The following TRAM1 variants were observed in gnomAD, a reference collection of about 807,000 sequenced individuals.
The protein encoded by TRAM1 is translocation associated membrane protein 1, also known as translocating chain-associated membrane protein 1.
TRAM1 carries 17 observed loss-of-function variants against 48.7 expected under a neutral mutation model. The observed-to-expected ratio is 0.35, with a 90% CI of 0.24 to 0.52. The LOEUF is 0.52. Ranked by LOEUF, TRAM1 falls within the 20% of genes least tolerant of loss-of-function variation. The pLI, the probability that TRAM1 is intolerant of heterozygous loss-of-function variation, is 0.94. For synonymous variants in TRAM1, 182 were observed against 154.0 expected, an observed-to-expected ratio of 1.18 and a Z score of -1.34; for missense variants, 351 against 441.5, an observed-to-expected ratio of 0.79 and a Z score of 1.84.
rs35864770 is a variant in TRAM1 at position 70,603,303 on chromosome 8, TACACACAC to T, written c.124-3229_124-3222del. Among the ~76,000 whole-genome samples the T allele has an allele frequency of 9.9e-3, 1,483 of 150,050 alleles. 7 individuals carry two copies. The highest frequency in any genetic ancestry group is 0.013 in the Non-Finnish European group (862 of 67,562). ...ATATACACACTATATATATGTTTTA[TACACACAC>T]ACACACACACACACACACACACAAT... On this transcript the variant is annotated intron_variant, in intron 1 of 10. Transcript: ENST00000262213.
At chr8:70,590,098 G>A (rs915169787) in intron 6 of TRAM1, among the ~76,000 whole-genome samples, 1 of 149,342 alleles carries the variant, frequency 6.7e-6, no homozygotes, top group Non-Finnish European at 1.5e-5. Flanking sequence ...TTTAACTGCT[G>A]ATTGAACTCA....
intron 6 of TRAM1, among the ~76,000 whole-genome samples, chr8:70,590,807 C>T (rs1222959604): frequency 6.6e-6 from 1 of 152,160 alleles, no homozygotes; most frequent in Admixed American, 6.5e-5. Flanking sequence ...TATCAAGAAA[C>T]CTTTTTCTAA....
At position 70,598,098 on chromosome 8, in the gene TRAM1, TTTATAAAGTATAGATTTC is replaced by T. The variant is rs993174083; in HGVS notation, c.309+18_309+35del. ...CTAGCAGATTATGGAGAGCTAGTACTTTATAAAGTATAGATTTCTAAGACTGCATACTTACATCCAACA... is the reference window on the plus strand; with the variant it reads ...CTAGCAGATTATGGAGAGCTAGTACTTAAGACTGCATACTTACATCCAACA... On this transcript the variant is annotated intron_variant, in intron 3 of 10. Coordinates refer to ENST00000262213, the MANE Select transcript of TRAM1 (RefSeq NM_014294.6). 3.8e-6 allele frequency: 6 copies of T among 1,591,896 alleles called. No individual in the cohort carries two copies. In the Admixed American group the frequency reaches 6.9e-5, roughly 18 times the overall value.
intron 2 of TRAM1, 34 bp from the exon 3 acceptor site, chr8:70,598,289 T>C (rs1344520206): frequency 6.4e-7 from 1 of 1,572,544 alleles, no homozygotes; most frequent in African/African-American, 1.4e-5. Context: ...TACACAAAAA[T>C]ATACACAAGG....
chr8:70,597,100 A>G (rs1450548226), intron 4 of TRAM1, among the ~76,000 whole-genome samples: 3 of 152,178 alleles, frequency 2.0e-5, no homozygotes, highest in Non-Finnish European at 4.4e-5. Flanking sequence ...AGAAAGAATT[A>G]TGTGTCTGAC....
intron 10 of TRAM1, among the ~76,000 whole-genome samples, chr8:70,577,315 T>C (rs943578625): frequency 5.9e-5 from 9 of 152,138 alleles, no homozygotes. Flanking sequence ...TGGGCCCTGG[T>C]GAAGCCCCCC....
In TRAM1 at chr8:70,597,913, G is replaced by A. The variant is rs562991678; in HGVS notation, c.408C>T (p.Gly136=). 5 of 1,598,394 alleles carry A rather than the reference G, an allele frequency of 3.1e-6. No individual in the cohort carries two copies. Among genetic ancestry groups the A allele is most frequent in the African/African-American group, 2.7e-5 (2 of 74,698 alleles). Residue 136 remains glycine, a synonymous_variant, in exon 4 of 11, where the codon GGC becomes GGT. Coordinates refer to ENST00000262213, the MANE Select transcript of TRAM1 (RefSeq NM_014294.6). The part of the protein sequence containing the change: ...SAFYLFACVW[G]TFILISENYI... ...TACTTACAGAGATGAGAATGAATGT[G>A]CCCCAAACACAGGCAAAAAGGTAGA...
chr8:70,608,319 T>A lies in TRAM1; in HGVS notation c.-120A>T. On this transcript the variant is annotated 5_prime_UTR_variant, in exon 1 of 11. Coordinates refer to ENST00000262213, the MANE Select transcript of TRAM1 (RefSeq NM_014294.6). The stretch of plus-strand genomic sequence containing the variant: ...TCACGGCCCCGCTGCAGCCGCTCGC[T>A]GGGGCTTCACTTCCCATCCCACAGC... The A allele has an allele frequency of 7.5e-7, 1 of 1,331,238 alleles. No homozygotes were observed. Among genetic ancestry groups the A allele is most frequent in the Non-Finnish European group, 9.8e-7 (1 of 1,016,222 alleles). 82.5% of individuals were successfully genotyped at this position (1,331,238 alleles called of 1,614,324 possible).
intron 1 of TRAM1, among the ~76,000 whole-genome samples, chr8:70,602,430 A>G (rs1586766410): frequency 6.6e-6 from 1 of 152,214 alleles, no homozygotes; most frequent in South Asian, 2.1e-4. Context: ...TAACGGATGG[A>G]GGCATATGAC....
chr8:70,598,174 G>C lies in TRAM1; in HGVS notation c.269C>G (p.Ala90Gly), dbSNP rs775026412. 1.9e-6 allele frequency: 3 copies of C among 1,612,224 alleles called. No individual in the cohort carries two copies. The Admixed American group carries it at 5.0e-5, about 27-fold the overall frequency. ...LATVFFYMLVAIIIHAVIQEY... is the reference protein window; with the variant it reads ...LATVFFYMLVGIIIHAVIQEY... Reference sequence around the variant, plus strand: ...TTGAATTACGGCATGAATAATTATCGCCACTAGCATGTAGAAGAAAACAGT... The same window carrying C: ...TTGAATTACGGCATGAATAATTATCCCCACTAGCATGTAGAAGAAAACAGT... The change falls in exon 3 of 11, where the codon GCG becomes GGG. Residue 90 changes from alanine (A) to glycine (G), a missense_variant. Physicochemically the swap from Ala to Gly is moderately conservative, Grantham distance 60. Transcript: ENST00000262213.
chr8:70,593,429 G>A (rs1294927063), intron 6 of TRAM1, among the ~76,000 whole-genome samples: 4 of 151,332 alleles, frequency 2.6e-5, no homozygotes, highest in East Asian at 1.9e-4. Flanking sequence ...TTTTAAATGC[G>A]GAAAAATGTA....
intron 8 of TRAM1, among the ~76,000 whole-genome samples, chr8:70,586,171 A>G (rs1817214809): frequency 6.6e-6 from 1 of 150,658 alleles, no homozygotes; most frequent in Non-Finnish European, 1.5e-5. Context: ...ACTATCGCAA[A>G]GACAAAAAAC....
At chr8:70,586,813 G>T in intron 8 of TRAM1, 82 bp downstream of exon 8, 1 of 1,153,994 alleles carries the variant, frequency 8.7e-7, no homozygotes, top group Non-Finnish European at 1.3e-6. Context: ...TAATATAATG[G>T]CCTAAAGCAT....
intron 6 of TRAM1, among the ~76,000 whole-genome samples, chr8:70,593,875 G>A (rs1817423436): frequency 6.6e-6 from 1 of 152,116 alleles, no homozygotes. Context: ...TAAAGAAAAC[G>A]ACTTTTGTGA....
Position 70,600,016 on chromosome 8 carries a change from T to C in TRAM1, c.187+3A>G. On this transcript the variant is annotated splice_donor_region_variant and intron_variant, in intron 2 of 10. Coordinates refer to ENST00000262213, the MANE Select transcript of TRAM1 (RefSeq NM_014294.6). Reference sequence around the variant, plus strand: ...TAGAAAATTCTTAGCGTAAATTACCTACCTGTTGCTGGGAGGGTGACATTG... The same window carrying C: ...TAGAAAATTCTTAGCGTAAATTACCCACCTGTTGCTGGGAGGGTGACATTG... 2 of 1,612,798 alleles carry C rather than the reference T, an allele frequency of 1.2e-6. No individual in the cohort carries two copies. The highest frequency in any genetic ancestry group is 2.2e-5 in the East Asian group (1 of 44,864).
Position 70,608,295 on chromosome 8 carries a change from C to G in TRAM1, c.-96G>C. ...CCGCCGCCTCCCGCTGGCTGCTCCTCACGGCCCCGCTGCAGCCGCTCGCTG... is the reference window on the plus strand; with the variant it reads ...CCGCCGCCTCCCGCTGGCTGCTCCTGACGGCCCCGCTGCAGCCGCTCGCTG... On this transcript the variant is annotated 5_prime_UTR_variant, in exon 1 of 11. Transcript: ENST00000262213. 1.4e-6 allele frequency: 2 copies of G among 1,452,128 alleles called. No homozygotes were observed. The highest frequency in any genetic ancestry group is 1.8e-6 in the Non-Finnish European group (2 of 1,102,370). The allele number at this position is 1,452,128 out of a possible 1,614,324, so 90.0% of individuals were successfully genotyped here.
chr8:70,574,205 T>C lies in TRAM1; in HGVS notation c.*727A>G. 1 of 408,708 alleles carries C rather than the reference T, an allele frequency of 2.4e-6. No homozygotes were observed. Among genetic ancestry groups the C allele is most frequent in the Non-Finnish European group, 4.7e-6 (1 of 212,818 alleles). 25.3% of individuals were successfully genotyped at this position (408,708 alleles called of 1,614,324 possible). The stretch of plus-strand genomic sequence containing the variant: ...GCTATATGTCAGATTTTCCTGTTCA[T>C]AGTAAATATTTTCTGATTTCCAGTT... On this transcript the variant is annotated 3_prime_UTR_variant, in exon 11 of 11. Coordinates refer to ENST00000262213, the MANE Select transcript of TRAM1 (RefSeq NM_014294.6).
At chr8:70,589,117 G>A (rs891845250) in intron 6 of TRAM1, among the ~76,000 whole-genome samples, 9 of 152,102 alleles carry the variant, frequency 5.9e-5, no homozygotes, top group South Asian at 2.1e-4. Flanking sequence ...TAAGCATGGC[G>A]CAAAGATCAA....
chr8:70,586,712 A>T (rs1478225329), intron 8 of TRAM1, among the ~76,000 whole-genome samples, 183 bp downstream of exon 8: 1 of 152,224 alleles, frequency 6.6e-6, no homozygotes, highest in African/African-American at 2.4e-5. Context: ...TCTCTAGCTG[A>T]GAAAGCCTCC....
Sources: allele counts gnomAD v4.1 joint callset (sites outside exome capture counted in the v4.1 genomes callset), GRCh38; gene constraint gnomAD v4.1.1; transcripts MANE v1.5; gene names NCBI Gene and HGNC (gene_info 2026-07-23, HGNC 2026-07-21).